The following RNF145 variants were observed in gnomAD, a reference collection of about 807,000 sequenced individuals.
RNF145 encodes the protein ring finger protein 145.
A neutral mutation model predicts 57.3 loss-of-function variants in RNF145; 12 were observed. The observed-to-expected ratio is 0.21, with a 90% CI of 0.13 to 0.34. The LOEUF (loss-of-function observed/expected upper bound fraction) is 0.34. Ranked by LOEUF, RNF145 falls within the 10% of genes least tolerant of loss-of-function variation. The probability of loss-of-function intolerance (pLI) is 1.00; values close to 1 mark genes in which losing one functional copy is unlikely to be tolerated. For missense variants in RNF145, 429 were observed against 799.0 expected (o/e 0.54, Z 5.58); for synonymous variants, 262 against 288.3 (o/e 0.91, Z 0.92).
At chr5:159,168,807 T>C (rs1031781800) in intron 8 of RNF145, 66 bp downstream of exon 8, 19 of 1,038,406 alleles carry the variant, frequency 1.8e-5, no homozygotes, top group African/African-American at 1.3e-4. Flanking sequence ...CCTAAATATT[T>C]AGACAACAAA....
Position 159,181,999 on chromosome 5 carries a change from C to CTAAATACATATGAATCGGTT in RNF145, c.345_346insAACCGATTCATATGTATTTA (p.Glu116AsnfsTer7). On this transcript the variant is annotated frameshift_variant, in exon 4 of 11. Transcript: ENST00000424310. LOFTEE classifies it high-confidence loss of function. ...GTAAACCGATTCATAGAGAGAGGTT[C>CTAAATACATATGAATCGGTT]TAAATACATTGGTCCCTCATAGGCA... is the stretch of plus-strand genomic sequence containing the variant. 1 of 1,609,864 alleles carries CTAAATACATATGAATCGGTT rather than the reference C, an allele frequency of 6.2e-7. No homozygotes were observed. Among genetic ancestry groups the CTAAATACATATGAATCGGTT allele is most frequent in the Non-Finnish European group, 8.5e-7 (1 of 1,176,602 alleles).
In RNF145 at chr5:159,203,658, TA is replaced by T. The variant is rs1785755012; in HGVS notation, c.-39-3del. Reference sequence around the variant, plus strand: ...CTTTTTTTTTTTCTTGGAGAAGACCTAAAATTCAGAAGACACAATATATAAA... The same window carrying T: ...CTTTTTTTTTTTCTTGGAGAAGACCTAAATTCAGAAGACACAATATATAAA... On this transcript the variant is annotated splice_polypyrimidine_tract_variant and splice_region_variant and intron_variant, in intron 1 of 10. Coordinates refer to ENST00000424310, the MANE Select transcript of RNF145 (RefSeq NM_001199383.2). The T allele has an allele frequency of 6.4e-7, 1 of 1,561,924 alleles. No individual in the cohort carries two copies. Among genetic ancestry groups the T allele is most frequent in the Admixed American group, 1.9e-5 (1 of 52,964 alleles).
At chr5:159,176,301 A>G (rs1259707918) in intron 5 of RNF145, among the ~76,000 whole-genome samples, 1 of 152,090 alleles carries the variant, frequency 6.6e-6, no homozygotes, top group Non-Finnish European at 1.5e-5. Context: ...ATCTCACAGA[A>G]CTCTATGAGG....
chr5:159,193,258 A>G (rs1028713681), intron 3 of RNF145, among the ~76,000 whole-genome samples: 1 of 152,196 alleles, frequency 6.6e-6, no homozygotes. Flanking sequence ...AAGAAATGCA[A>G]CACTACTCTG....
At position 159,209,322 on chromosome 5, in the gene RNF145, T is replaced by G; in HGVS notation, c.-131A>C. 5 of 985,500 alleles carry G rather than the reference T, an allele frequency of 5.1e-6. No homozygotes were observed. Among genetic ancestry groups the G allele is most frequent in the Non-Finnish European group, 6.0e-6 (5 of 829,902 alleles). 61.0% of individuals were successfully genotyped at this position (985,500 alleles called of 1,614,324 possible). On this transcript the variant is annotated 5_prime_UTR_variant, in exon 1 of 11. Transcript: ENST00000424310. ...TCTCTCGCCCGCCCTCCCGTTCTCC[T>G]CGGGCGGCGGCGGGGGCCGGTACGG...
chr5:159,179,533 C>T (rs1013270065), intron 4 of RNF145, among the ~76,000 whole-genome samples: 1 of 152,026 alleles, frequency 6.6e-6, no homozygotes, highest in East Asian at 1.9e-4. Context: ...AAACATGCTC[C>T]TTAATAGTTT....
intron 3 of RNF145, among the ~76,000 whole-genome samples, chr5:159,185,271 G>A (rs1785020597): frequency 6.6e-6 from 1 of 152,124 alleles, no homozygotes; most frequent in Non-Finnish European, 1.5e-5. Flanking sequence ...AGCTTAGCAT[G>A]CCAGAGTCAA....
In RNF145 at chr5:159,157,647, A is replaced by C. The variant is rs1784084904; in HGVS notation, c.*1023T>G. The C allele has an allele frequency of 6.5e-6, 1 of 152,752 alleles. No homozygotes were observed. The highest frequency in any genetic ancestry group is 1.5e-5 in the Non-Finnish European group (1 of 68,042). The allele number at this position is 152,752 out of a possible 1,614,324, so 9.5% of individuals were successfully genotyped here. A position where few individuals can be genotyped will look rare whatever the true frequency, so the allele number is the denominator to read the frequency against. ...TACCTGTAGCCATGATGAATGTAAAAATTTAAATATGACACATCCTTGTCA... is the reference window on the plus strand; with the variant it reads ...TACCTGTAGCCATGATGAATGTAAACATTTAAATATGACACATCCTTGTCA... On this transcript the variant is annotated 3_prime_UTR_variant, in exon 11 of 11. Coordinates refer to ENST00000424310, the MANE Select transcript of RNF145 (RefSeq NM_001199383.2).
In RNF145 at chr5:159,209,498, C is replaced by CCCGCGTCGGCGGCGG; in HGVS notation, c.-308_-307insCCGCCGCCGACGCGG. 2.9e-6 allele frequency: 1 copy of CCCGCGTCGGCGGCGG among 339,944 alleles called. No homozygotes were observed. The highest frequency in any genetic ancestry group is 3.2e-6 in the Non-Finnish European group (1 of 313,074). 21.1% of individuals were successfully genotyped at this position (339,944 alleles called of 1,614,324 possible). On this transcript the variant is annotated 5_prime_UTR_variant, in exon 1 of 11. Transcript: ENST00000424310. ...GGGCCGAGCCCCTTAGCAGCCGGCG[C>CCCGCGTCGGCGGCGG]CGGCGTCGGCGGCCATGGCCTCCTG...
intron 8 of RNF145, among the ~76,000 whole-genome samples, chr5:159,167,039 TG>T (rs1784413331): frequency 1.3e-5 from 2 of 152,236 alleles, no homozygotes; most frequent in African/African-American, 4.8e-5. Flanking sequence ...TAATATCATC[TG>T]GCTCAAGAAG....
rs912458482 is a variant in RNF145, at chr5:159,169,921, A to T, written c.798-102T>A. On this transcript the variant is annotated intron_variant, in intron 6 of 10. Coordinates refer to ENST00000424310, the MANE Select transcript of RNF145 (RefSeq NM_001199383.2). ...CACCAAGCTTGATTTGATACTCATTAATTAAAACATCCTAAACCAAAATTT... is the reference window on the plus strand; with the variant it reads ...CACCAAGCTTGATTTGATACTCATTTATTAAAACATCCTAAACCAAAATTT... 14 of 956,346 alleles carry T rather than the reference A, an allele frequency of 1.5e-5. No homozygotes were observed. In the Admixed American group the frequency reaches 3.1e-4, roughly 21 times the overall value. The allele number at this position is 956,346 out of a possible 1,614,324, so 59.2% of individuals were successfully genotyped here. A position where few individuals can be genotyped will look rare whatever the true frequency, so the allele number is the denominator to read the frequency against.
chr5:159,191,866 A>C (rs1475951174), intron 3 of RNF145, among the ~76,000 whole-genome samples: 1 of 152,356 alleles, frequency 6.6e-6, no homozygotes, highest in African/African-American at 2.4e-5. Flanking sequence ...AAAAAGCTCA[A>C]AAAGCCACAA....
chr5:159,192,010 C>G (rs1450796265), intron 3 of RNF145, among the ~76,000 whole-genome samples: 1 of 150,608 alleles, frequency 6.6e-6, no homozygotes, highest in Non-Finnish European at 1.5e-5. Flanking sequence ...CACTGGGTTC[C>G]ACATCTGTGG....
At chr5:159,162,311 A>T (rs1325032572) in intron 9 of RNF145, among the ~76,000 whole-genome samples, 1 of 152,208 alleles carries the variant, frequency 6.6e-6, no homozygotes, top group Non-Finnish European at 1.5e-5. Context: ...GTTACTTGTC[A>T]ATTTAAGATT....
Position 159,199,329 on chromosome 5 carries a change from C to A in RNF145, c.184+4105G>T, listed in dbSNP as rs144839595. On this transcript the variant is annotated intron_variant, in intron 2 of 10. Transcript: ENST00000424310. The stretch of plus-strand genomic sequence containing the variant: ...TGGGCAATATCAACACTTGAGAAGT[C>A]TAAAGAAAACAAATCAAAAGAATCA... Among the ~76,000 whole-genome samples, 824 of 147,818 alleles carry A rather than the reference C, an allele frequency of 5.6e-3. 9 individuals are homozygous for A. Among genetic ancestry groups the A allele is most frequent in the African/African-American group, 0.019 (776 of 39,996 alleles).
intron 5 of RNF145, among the ~76,000 whole-genome samples, chr5:159,175,876 T>C (rs766147939): frequency 1.3e-5 from 2 of 152,186 alleles, no homozygotes; most frequent in Non-Finnish European, 2.9e-5. Context: ...ATTTTAACAC[T>C]CTCTTTTTAT....
At chr5:159,191,079 C>CAAA (rs545613338) in intron 3 of RNF145, among the ~76,000 whole-genome samples, 1 of 61,320 alleles carries the variant, frequency 1.6e-5, no homozygotes. Context: ...AGCTGATGAG[C>CAAA]AAAAAAAAAA....
intron 3 of RNF145, among the ~76,000 whole-genome samples, chr5:159,189,224 T>C (rs1029263864): frequency 6.6e-6 from 1 of 152,158 alleles, no homozygotes; most frequent in Non-Finnish European, 1.5e-5. Context: ...AAGGGACTTG[T>C]ATCTAGAATA....
chr5:159,206,198 G>C (rs901459087), intron 1 of RNF145, among the ~76,000 whole-genome samples: 1 of 152,098 alleles, frequency 6.6e-6, no homozygotes, highest in Admixed American at 6.5e-5. Flanking sequence ...GTCAACTCGA[G>C]ACTGAAATGT....
Sources: allele counts gnomAD v4.1 joint callset (sites outside exome capture counted in the v4.1 genomes callset), GRCh38; gene constraint gnomAD v4.1.1; transcripts MANE v1.5; gene names NCBI Gene and HGNC (gene_info 2026-07-23, HGNC 2026-07-21).